Variants in APBB1IP observed in about 807,000 individuals in gnomAD.
APBB1IP encodes amyloid beta precursor protein binding family B member 1 interacting protein, also known as amyloid beta A4 precursor protein-binding family B member 1-interacting protein.
Under a neutral mutation model 64.9 loss-of-function variants are expected in APBB1IP, and 27 were observed. The observed-to-expected ratio is 0.42, with a 90% CI of 0.31 to 0.57. APBB1IP has a LOEUF of 0.57. Ranked by LOEUF, APBB1IP falls within the 20% of genes least tolerant of loss-of-function variation. APBB1IP has a pLI of 0.20. For missense variants in APBB1IP, 812 were observed against 845.5 expected, an observed-to-expected ratio of 0.96 and a Z score of 0.49; for synonymous variants, 392 against 331.0, an observed-to-expected ratio of 1.18 and a Z score of -2.00.
intron 2 of APBB1IP, among the ~76,000 whole-genome samples, chr10:26,489,508 C>T (rs1241578116): frequency 6.6e-6 from 1 of 152,160 alleles, no homozygotes; most frequent in African/African-American, 2.4e-5. Context: ...GCTAGCTTTG[C>T]AGGGTGGATA....
At chr10:26,453,484 G>A (rs1386165219) in intron 2 of APBB1IP, among the ~76,000 whole-genome samples, 1 of 152,002 alleles carries the variant, frequency 6.6e-6, no homozygotes, top group East Asian at 1.9e-4. Flanking sequence ...CCTGCTCCTC[G>A]ACTAGAAGCA....
At chr10:26,480,543 T>A (rs1034324390) in intron 2 of APBB1IP, among the ~76,000 whole-genome samples, 4 of 151,874 alleles carry the variant, frequency 2.6e-5, no homozygotes, top group Non-Finnish European at 5.9e-5. Flanking sequence ...GAACTAACCA[T>A]TGGATTTCAC....
At chr10:26,476,881 A>G (rs1835782983) in intron 2 of APBB1IP, among the ~76,000 whole-genome samples, 3 of 152,024 alleles carry the variant, frequency 2.0e-5, no homozygotes, top group African/African-American at 7.3e-5. Context: ...GCTCACTACA[A>G]TCTCCGCCTC....
At chr10:26,536,721 AC>A (rs1424061407) in intron 10 of APBB1IP, among the ~76,000 whole-genome samples, 1 of 30,970 alleles carries the variant, frequency 3.2e-5, no homozygotes, top group Admixed American at 4.8e-4. Context: ...CCCACCCCCC[AC>A]CCCCCGCCAA....
chr10:26,513,702 G>C (rs374319162), intron 8 of APBB1IP, 42 bp downstream of exon 8: 11 of 1,515,390 alleles, frequency 7.3e-6, no homozygotes, highest in Non-Finnish European at 9.6e-6. Flanking sequence ...AAAGTACAAA[G>C]GATTTTTTTT....
chr10:26,528,852 G>T (rs1836512732), intron 8 of APBB1IP, among the ~76,000 whole-genome samples: 1 of 152,154 alleles, frequency 6.6e-6, no homozygotes, highest in South Asian at 2.1e-4. Context: ...TGGGAGAATT[G>T]CTTGAACCTG....
At chr10:26,559,362 G>C (rs896518268) in intron 11 of APBB1IP, among the ~76,000 whole-genome samples, 3 of 151,796 alleles carry the variant, frequency 2.0e-5, no homozygotes, top group Non-Finnish European at 4.4e-5. Context: ...CCAGGAGTTT[G>C]AGACCAGCTT....
rs555567860 is a variant in APBB1IP, at chr10:26,509,409, T to A, written c.532-2338T>A. Among the ~76,000 whole-genome samples, 3 of 152,316 alleles carry A rather than the reference T, an allele frequency of 2.0e-5. No individual in the cohort carries two copies. The South Asian group carries it at 6.2e-4, about 32-fold the overall frequency. ...TACATTTTGATCTTGGGGGTGTTTG[T>A]GAATGTTGGAAATAGAAGGTATTAC... On this transcript the variant is annotated intron_variant, in intron 6 of 14. Coordinates refer to ENST00000376236, the MANE Select transcript of APBB1IP (RefSeq NM_019043.4).
At chr10:26,507,571 T>C (rs538259802) in intron 6 of APBB1IP, among the ~76,000 whole-genome samples, 3 of 152,246 alleles carry the variant, frequency 2.0e-5, no homozygotes, top group African/African-American at 7.2e-5. Flanking sequence ...GAGAGCAGGA[T>C]TGTAGCACAA....
rs1835301804 is a variant in APBB1IP, at chr10:26,438,406, G to T, written c.-252G>T. 1 of 152,194 alleles carries T rather than the reference G, an allele frequency of 6.6e-6. No individual in the cohort carries two copies. The highest frequency in any genetic ancestry group is 2.4e-5 in the African/African-American group (1 of 41,430). The allele number at this position is 152,194 out of a possible 1,614,324, so 9.4% of individuals were successfully genotyped here. On this transcript the variant is annotated 5_prime_UTR_variant, in exon 1 of 15. An upstream start codon of the reference 5' UTR is lost. Transcript: ENST00000376236. ...CCCTCTTGCGTCGAGGCTGCAAAATGGTTCCATTCGCCAGGAGACGCTCCT... is the reference window on the plus strand; with the variant it reads ...CCCTCTTGCGTCGAGGCTGCAAAATTGTTCCATTCGCCAGGAGACGCTCCT...
chr10:26,480,908 AT>A (rs1835827561), intron 2 of APBB1IP, among the ~76,000 whole-genome samples: 1 of 152,104 alleles, frequency 6.6e-6, no homozygotes, highest in South Asian at 2.1e-4. Flanking sequence ...CTAAAAAGAA[AT>A]GTTCATGATT....
chr10:26,551,272 T>A (rs926768161), intron 11 of APBB1IP, among the ~76,000 whole-genome samples: 1 of 152,148 alleles, frequency 6.6e-6, no homozygotes, highest in Non-Finnish European at 1.5e-5. Flanking sequence ...CATAGGCCCA[T>A]GCAGAAGCAA....
In APBB1IP at chr10:26,560,774, G is replaced by A. The variant is rs1329487302; in HGVS notation, c.1299G>A (p.Lys433=). Residue 433 remains lysine, a synonymous_variant, in exon 13 of 15, where the codon AAG becomes AAA. Transcript: ENST00000376236. ...ATAACTACCAGCGGGCTGTGGCAAA[G>A]GCTGGACTTGCCTCTCGGTGGACAA... ...LYDNYQRAVA[K]AGLASRWTNL... is the part of the protein sequence containing the mutation. 3 of 1,608,390 alleles carry A rather than the reference G, an allele frequency of 1.9e-6. No homozygotes were observed. Among genetic ancestry groups the A allele is most frequent in the South Asian group, 2.2e-5 (2 of 90,676 alleles).
intron 7 of APBB1IP, among the ~76,000 whole-genome samples, chr10:26,512,114 G>C (rs569858872): frequency 6.6e-6 from 1 of 152,196 alleles, no homozygotes; most frequent in Non-Finnish European, 1.5e-5. Context: ...ACAGGTGTGA[G>C]CCACTGCGCC....
At chr10:26,566,747 A>C (rs1197714604) in intron 14 of APBB1IP, among the ~76,000 whole-genome samples, 1 of 151,782 alleles carries the variant, frequency 6.6e-6, no homozygotes, top group Non-Finnish European at 1.5e-5. Flanking sequence ...TGTTTTGTCC[A>C]CTGGGGCTGC....
At chr10:26,513,272 A>C (rs1473453153) in intron 7 of APBB1IP, among the ~76,000 whole-genome samples, 2 of 152,236 alleles carry the variant, frequency 1.3e-5, no homozygotes, top group Non-Finnish European at 2.9e-5. Flanking sequence ...CTTAAACAAA[A>C]TGAAAGAAAA....
chr10:26,443,384 A>G (rs189357215), intron 2 of APBB1IP, among the ~76,000 whole-genome samples: 5,833 of 150,276 alleles, frequency 0.039, 154 homozygotes, highest in Middle Eastern at 0.073. Context: ...AAATCATGCC[A>G]TTGCACTCCA....
At chr10:26,455,598 G>C (rs1386139349) in intron 2 of APBB1IP, among the ~76,000 whole-genome samples, 2 of 151,976 alleles carry the variant, frequency 1.3e-5, no homozygotes, top group Admixed American at 6.6e-5. Flanking sequence ...CGTGGTTACT[G>C]TTATGTGAAA....
In APBB1IP at chr10:26,524,974, T is replaced by TTTTTTTTTTTTTTTTTTTA. The variant is rs1554778195; in HGVS notation, c.814-8465_814-8464insTTTTTTTTTTTTTTTTTTA. On this transcript the variant is annotated intron_variant, in intron 8 of 14. Transcript: ENST00000376236. The stretch of plus-strand genomic sequence containing the variant: ...TTCTTTCTTTTTTTTTTTTTTTTTT[T>TTTTTTTTTTTTTTTTTTTA]ATAAAAAAAGGAATCCTGGCAAGAG... Among the ~76,000 whole-genome samples, 94 of 126,708 alleles carry TTTTTTTTTTTTTTTTTTTA rather than the reference T, an allele frequency of 7.4e-4. 5 individuals are homozygous for TTTTTTTTTTTTTTTTTTTA. The highest frequency in any genetic ancestry group is 3.8e-3 in the Middle Eastern group (1 of 262). The allele number at this position is 126,708 out of a possible 152,430, so 83.1% of individuals were successfully genotyped here.
Sources: gnomAD v4.1 joint callset for allele counts (sites outside exome capture counted in the v4.1 genomes callset) on GRCh38, gnomAD v4.1.1 for gene constraint, MANE v1.5 for transcripts, NCBI Gene and HGNC (gene_info 2026-07-23, HGNC 2026-07-21) for gene names.